MEF2C: variants seen among roughly 807,000 people sequenced by gnomAD.
MEF2C encodes the protein myocyte-specific enhancer factor 2C.
MEF2C carries 6 observed loss-of-function variants against 50.5 expected under a neutral mutation model. The observed-to-expected ratio is 0.12, with a 90% confidence interval of 0.07 to 0.23. MEF2C has a LOEUF of 0.23. Ranked by LOEUF, MEF2C falls within the 10% of genes least tolerant of loss-of-function variation. The probability of loss-of-function intolerance (pLI) is 1.00; values close to 1 mark genes in which losing one functional copy is unlikely to be tolerated. For missense variants in MEF2C, 276 were observed against 605.0 expected (o/e 0.46, Z 5.70); for synonymous variants, 183 against 228.0 (o/e 0.80, Z 1.78).
intron 1 of MEF2C, chr5:88,838,537 A>G (rs776165211): frequency 2.0e-6 from 2 of 983,616 alleles, no homozygotes; most frequent in Non-Finnish European, 2.4e-6. Flanking sequence ...TTCACTTATG[A>G]TGAAGTTAAG....
chr5:88,897,156 A>T (rs563742701), intron 1 of MEF2C, among the ~76,000 whole-genome samples: 1 of 152,200 alleles, frequency 6.6e-6, no homozygotes, highest in African/African-American at 2.4e-5. Flanking sequence ...AATAACTTCT[A>T]TGATTATTTT....
chr5:88,899,443 G>T (rs1835426732), intron 1 of MEF2C, among the ~76,000 whole-genome samples: 1 of 152,100 alleles, frequency 6.6e-6, no homozygotes, highest in South Asian at 2.1e-4. Flanking sequence ...ACTTTCCTAT[G>T]ATTTGTACAA....
At chr5:88,791,422 C>G (rs1793691654) in intron 3 of MEF2C, among the ~76,000 whole-genome samples, 1 of 151,904 alleles carries the variant, frequency 6.6e-6, no homozygotes, top group Non-Finnish European at 1.5e-5. Context: ...ATTTTGAACC[C>G]TGTCTTTTCT....
intron 3 of MEF2C, among the ~76,000 whole-genome samples, chr5:88,797,729 C>T (rs1290740563): frequency 6.6e-6 from 1 of 152,066 alleles, no homozygotes; most frequent in Non-Finnish European, 1.5e-5. Flanking sequence ...GATGCAGTTT[C>T]TTCATAGTGT....
At chr5:88,848,525 CATAAT>C (rs1163035086) in intron 1 of MEF2C, among the ~76,000 whole-genome samples, 2 of 152,074 alleles carry the variant, frequency 1.3e-5, no homozygotes, top group Non-Finnish European at 1.5e-5. Flanking sequence ...TTATTCTAGT[CATAAT>C]AAGGTAGATA....
rs1336717211 is a variant in MEF2C at position 88,744,548 on chromosome 5, G to T, written c.637+4522C>A. On this transcript the variant is annotated intron_variant, in intron 6 of 10. Transcript: ENST00000504921. ...AGCCTGGGTGACAGAACAAGACTCC[G>T]TCTCAAAAAAAAAAGTTTTATAGAG... Among the ~76,000 whole-genome samples, 6 of 151,594 alleles carry T rather than the reference G, an allele frequency of 4.0e-5. No homozygotes were observed. In the East Asian group the frequency reaches 1.2e-3, roughly 29 times the overall value.
chr5:88,809,981 G>T (rs1288642968), intron 2 of MEF2C, among the ~76,000 whole-genome samples: 3 of 152,212 alleles, frequency 2.0e-5, no homozygotes, highest in Non-Finnish European at 4.4e-5. Context: ...GTATTACAAA[G>T]TTGGTTGTAT....
At chr5:88,896,218 A>C (rs1386493277) in intron 1 of MEF2C, among the ~76,000 whole-genome samples, 1 of 152,156 alleles carries the variant, frequency 6.6e-6, no homozygotes, top group Non-Finnish European at 1.5e-5. Flanking sequence ...AAAATTGTAC[A>C]TTGCATTACC....
At chr5:88,749,207 T>C in intron 5 of MEF2C, 90 bp from the exon 6 acceptor site, 1 of 1,369,662 alleles carries the variant, frequency 7.3e-7, no homozygotes, top group Non-Finnish European at 9.7e-7. Flanking sequence ...TATTTTGTCC[T>C]CTTGCAATAG....
chr5:88,860,382 G>A (rs954329634), intron 1 of MEF2C, among the ~76,000 whole-genome samples: 20 of 151,614 alleles, frequency 1.3e-4, no homozygotes, highest in African/African-American at 4.6e-4. Context: ...TTGCCAGGAA[G>A]CTGTGCCTGC....
intron 6 of MEF2C, chr5:88,737,815 T>A: frequency 1.0e-6 from 1 of 985,348 alleles, no homozygotes; most frequent in Non-Finnish European, 1.2e-6. Context: ...CCTCTAAGAT[T>A]ATGTTAACTT....
intron 1 of MEF2C, among the ~76,000 whole-genome samples, chr5:88,872,648 T>A (rs181410532): frequency 3.2e-4 from 49 of 152,192 alleles, no homozygotes; most frequent in African/African-American, 1.1e-3. Context: ...TATTTACTGA[T>A]CATTTACTAT....
chr5:88,876,538 C>T (rs767119006), intron 1 of MEF2C, among the ~76,000 whole-genome samples: 5 of 151,902 alleles, frequency 3.3e-5, no homozygotes, highest in Non-Finnish European at 5.9e-5. Context: ...AAGTATAAAT[C>T]GCGTGTTTAT....
rs538612971 is a variant in MEF2C at position 88,836,049 on chromosome 5, C to T, written c.-142-12119G>A. On this transcript the variant is annotated intron_variant, in intron 1 of 10. Transcript: ENST00000504921. ...AATAGATTTGATTCTCTATTCCAAA[C>T]CATTTCTTCTAATTTCCTGTTTGGT... 6.9e-4 allele frequency among the ~76,000 whole-genome samples: 105 copies of T among 152,064 alleles called. 1 individual carries two copies. The South Asian group carries it at 0.021, about 30-fold the overall frequency.
intron 3 of MEF2C, among the ~76,000 whole-genome samples, chr5:88,801,677 G>A (rs563304950): frequency 6.6e-6 from 1 of 152,102 alleles, no homozygotes; most frequent in Non-Finnish European, 1.5e-5. Flanking sequence ...TAGTAGAGAC[G>A]GGGTTTCACC....
chr5:88,865,462 T>C (rs1826985831), intron 1 of MEF2C, among the ~76,000 whole-genome samples: 1 of 152,176 alleles, frequency 6.6e-6, no homozygotes, highest in Admixed American at 6.5e-5. Context: ...GGAATATTAC[T>C]AATAAGTTTA....
intron 1 of MEF2C, among the ~76,000 whole-genome samples, chr5:88,868,384 T>A (rs1828101022): frequency 6.6e-6 from 1 of 152,168 alleles, no homozygotes; most frequent in Admixed American, 6.5e-5. Context: ...CAGTGAAATT[T>A]GGGATGATAT....
At chr5:88,899,319 A>G (rs1208835731) in intron 1 of MEF2C, among the ~76,000 whole-genome samples, 2 of 152,164 alleles carry the variant, frequency 1.3e-5, no homozygotes, top group Non-Finnish European at 2.9e-5. Context: ...AGCAATAGGG[A>G]TAGGGTGGGG....
At chr5:88,781,326 G>A (rs964472627) in intron 3 of MEF2C, among the ~76,000 whole-genome samples, 1 of 152,104 alleles carries the variant, frequency 6.6e-6, no homozygotes, top group African/African-American at 2.4e-5. Context: ...AGGAACAGCA[G>A]GAAAATAAAT....
Sources: gnomAD v4.1 joint callset for allele counts (sites outside exome capture counted in the v4.1 genomes callset) on GRCh38, gnomAD v4.1.1 for gene constraint, MANE v1.5 for transcripts, NCBI Gene and HGNC (gene_info 2026-07-23, HGNC 2026-07-21) for gene names.